The following PPP1R9A variants were observed in gnomAD, a reference collection of about 807,000 sequenced individuals.
PPP1R9A encodes protein phosphatase 1 regulatory subunit 9A, also known as neurabin-1.
Under a neutral mutation model 141.9 loss-of-function variants are expected in PPP1R9A, and 59 were observed. The ratio of observed to expected loss-of-function variants is 0.42; its 90% CI spans 0.34 to 0.52. The LOEUF is 0.52. Ranked by LOEUF, PPP1R9A falls within the 20% of genes least tolerant of loss-of-function variation. The pLI is 0.10. For synonymous variants in PPP1R9A, 500 were observed against 569.7 expected (o/e 0.88, Z 1.74); for missense variants, 1,444 against 1,611.9 (o/e 0.90, Z 1.78).
intron 2 of PPP1R9A, among the ~76,000 whole-genome samples, chr7:95,046,839 T>G (rs1810092355): frequency 6.6e-6 from 1 of 152,224 alleles, no homozygotes; most frequent in Non-Finnish European, 1.5e-5. Flanking sequence ...CATTCTGGTC[T>G]TCTTGACCCT....
At chr7:95,160,454 G>A (rs141733622) in intron 4 of PPP1R9A, among the ~76,000 whole-genome samples, 4 of 152,006 alleles carry the variant, frequency 2.6e-5, no homozygotes, top group African/African-American at 9.6e-5. Context: ...TGTATGTTTG[G>A]TAAACTGAAT....
In PPP1R9A at chr7:94,911,136, C is replaced by A; in HGVS notation, c.1023C>A (p.Ser341Arg). 6.2e-7 allele frequency: 1 copy of A among 1,614,110 alleles called. No individual in the cohort carries two copies. ...MPKSEIPSPQ[S>R]QLLEDAEANL... is the part of the protein sequence containing the mutation. Reference sequence around the variant, plus strand: ...AGTCCGAAATCCCTTCACCACAAAGCCAACTGTTAGAAGATGCTGAAGCTA... The same window carrying A: ...AGTCCGAAATCCCTTCACCACAAAGACAACTGTTAGAAGATGCTGAAGCTA... Residue 341 changes from serine to arginine, a missense_variant, in exon 2 of 20, where the codon AGC becomes AGA. Around this residue, in one of 5 missense-constraint regions of PPP1R9A, gnomAD observed 490 missense variants for 521.1 expected, o/e 0.94. Coordinates refer to ENST00000433360, the MANE Select transcript of PPP1R9A (RefSeq NM_001166160.2).
chr7:95,247,656 A>C, intron 9 of PPP1R9A, 130 bp downstream of exon 9: 1 of 714,582 alleles, frequency 1.4e-6, no homozygotes, highest in Non-Finnish European at 2.2e-6. Flanking sequence ...ATTCATTTTC[A>C]CTGTCAGGTA....
intron 2 of PPP1R9A, among the ~76,000 whole-genome samples, chr7:94,963,364 T>C (rs1797848536): frequency 6.6e-6 from 1 of 152,106 alleles, no homozygotes; most frequent in African/African-American, 2.4e-5. Context: ...AGCAGCTTTA[T>C]TGAGATATAA....
At chr7:95,112,059 CA>C (rs1820667810) in intron 3 of PPP1R9A, among the ~76,000 whole-genome samples, 1 of 149,966 alleles carries the variant, frequency 6.7e-6, no homozygotes, top group Non-Finnish European at 1.5e-5. Context: ...AAGAGTAGAA[CA>C]AACAGATGAT....
chr7:95,064,357 T>C (rs1399852191), intron 2 of PPP1R9A, among the ~76,000 whole-genome samples: 3 of 152,236 alleles, frequency 2.0e-5, no homozygotes, highest in African/African-American at 7.2e-5. Flanking sequence ...ATATTTTCTC[T>C]ATAAGGTACA....
At chr7:95,060,316 G>A (rs1812059292) in intron 2 of PPP1R9A, among the ~76,000 whole-genome samples, 1 of 152,174 alleles carries the variant, frequency 6.6e-6, no homozygotes, top group African/African-American at 2.4e-5. Context: ...GGAAGCTTGA[G>A]TCAGCCATGC....
rs755657924 is a variant in PPP1R9A, at chr7:95,203,670, T to C, written c.1896T>C (p.Thr632=). 3.3e-6 allele frequency: 5 copies of C among 1,536,344 alleles called. No individual in the cohort carries two copies. The African/African-American group carries it at 6.8e-5, about 21-fold the overall frequency. Residue 632 remains threonine (T), a synonymous_variant, in exon 7 of 20, where the codon ACT becomes ACC. Coordinates refer to ENST00000433360, the MANE Select transcript of PPP1R9A (RefSeq NM_001166160.2). ...TTTTTTGTCAACCATTTTAGAACAC[T>C]GTGGCTGAATTGCAAGGAATGTCTG... ...AQYDADDDEN[T]VAELQGMSGN...
chr7:95,272,664 C>A (rs1347876336), intron 14 of PPP1R9A, among the ~76,000 whole-genome samples: 1 of 152,142 alleles, frequency 6.6e-6, no homozygotes, highest in Admixed American at 6.5e-5. Context: ...GAGCTTTGAA[C>A]CTAGACTGCT....
intron 2 of PPP1R9A, among the ~76,000 whole-genome samples, chr7:95,079,356 C>G (rs1452037974): frequency 6.6e-6 from 1 of 152,092 alleles, no homozygotes. Flanking sequence ...TGTTTTGGTA[C>G]CAGTACCATG....
At chr7:95,042,791 T>C (rs1809447644) in intron 2 of PPP1R9A, among the ~76,000 whole-genome samples, 1 of 152,182 alleles carries the variant, frequency 6.6e-6, no homozygotes, top group South Asian at 2.1e-4. Flanking sequence ...ATGGTTTTTG[T>C]ATCATCTACA....
chr7:94,960,386 G>C (rs903681108), intron 2 of PPP1R9A, among the ~76,000 whole-genome samples: 1 of 151,546 alleles, frequency 6.6e-6, no homozygotes, highest in African/African-American at 2.4e-5. Flanking sequence ...CTGAGGGAGG[G>C]AGGGGGAAAT....
At chr7:95,060,072 T>A (rs916114859) in intron 2 of PPP1R9A, among the ~76,000 whole-genome samples, 5 of 152,188 alleles carry the variant, frequency 3.3e-5, no homozygotes, top group African/African-American at 1.2e-4. Context: ...CTCTGAAGTC[T>A]ACCCCATCCC....
At chr7:95,024,541 G>C (rs1806518015) in intron 2 of PPP1R9A, among the ~76,000 whole-genome samples, 1 of 152,020 alleles carries the variant, frequency 6.6e-6, no homozygotes, top group Non-Finnish European at 1.5e-5. Context: ...GCCTTTCTTT[G>C]TCTCATTTGA....
intron 2 of PPP1R9A, among the ~76,000 whole-genome samples, chr7:95,041,969 GC>G (rs1809308428): frequency 6.6e-6 from 1 of 151,984 alleles, no homozygotes; most frequent in African/African-American, 2.4e-5. Flanking sequence ...AAAATACATG[GC>G]CAGTAATGTA....
intron 2 of PPP1R9A, among the ~76,000 whole-genome samples, chr7:94,964,359 C>CT (rs1346062492): frequency 6.6e-6 from 1 of 152,146 alleles, no homozygotes; most frequent in East Asian, 1.9e-4. Context: ...TAAATTTATA[C>CT]TTTAAGTTCT....
chr7:94,969,531 G>A (rs1039493418), intron 2 of PPP1R9A, among the ~76,000 whole-genome samples: 1 of 152,078 alleles, frequency 6.6e-6, no homozygotes, highest in African/African-American at 2.4e-5. Flanking sequence ...TTGTCTCAGT[G>A]GGGCACCTTC....
chr7:95,027,479 C>T (rs1019997410), intron 2 of PPP1R9A, among the ~76,000 whole-genome samples: 2 of 152,310 alleles, frequency 1.3e-5, no homozygotes, highest in African/African-American at 2.4e-5. Context: ...AAATCACCCA[C>T]GTTCTGCGTT....
intron 8 of PPP1R9A, among the ~76,000 whole-genome samples, chr7:95,231,282 A>C (rs1795891164): frequency 6.6e-6 from 1 of 152,156 alleles, no homozygotes; most frequent in African/African-American, 2.4e-5. Flanking sequence ...GATAGATGGC[A>C]ACACAATAAT....
Sources: allele counts gnomAD v4.1 joint callset (sites outside exome capture counted in the v4.1 genomes callset), GRCh38; gene constraint gnomAD v4.1.1; regional missense constraint gnomAD v4.1.1; transcripts MANE v1.5; gene names NCBI Gene and HGNC (gene_info 2026-07-23, HGNC 2026-07-21).